Variants in ICA1L observed in about 807,000 individuals in gnomAD.
The protein encoded by ICA1L is islet cell autoantigen 1-like protein.
ICA1L carries 50 observed loss-of-function variants against 61.3 expected under a neutral mutation model. That is an observed-to-expected ratio of 0.82 (90% CI 0.65 to 1.03). The LOEUF is 1.03. ICA1L is among the 50% of genes least tolerant of loss of function. The probability of loss-of-function intolerance (pLI) is 0.00; values close to 1 mark genes in which losing one functional copy is unlikely to be tolerated. For synonymous variants in ICA1L, 161 were observed against 191.3 expected (o/e 0.84, Z 1.31); for missense variants, 508 against 556.7 (o/e 0.91, Z 0.88).
intron 1 of ICA1L, chr2:202,841,213 C>T (rs1694319875): frequency 2.9e-6 from 2 of 701,666 alleles, no homozygotes; most frequent in African/African-American, 3.5e-5. Flanking sequence ...AATTCATTCT[C>T]CATCTCTGTA....
At chr2:202,820,851 AG>A (rs1217711843) in intron 4 of ICA1L, among the ~76,000 whole-genome samples, 1 of 152,198 alleles carries the variant, frequency 6.6e-6, no homozygotes, top group African/African-American at 2.4e-5. Flanking sequence ...TAAATGCAAA[AG>A]ATTTGGGCTA....
intron 1 of ICA1L, chr2:202,844,359 C>T (rs1322857364): frequency 1.3e-5 from 2 of 151,570 alleles, no homozygotes; most frequent in Admixed American, 1.3e-4. Context: ...CAGAGGGACA[C>T]AGTGAGACCC....
rs779036932 is a variant in ICA1L at position 202,775,951 on chromosome 2, A to G, written c.*3582T>C. 2.6e-5 allele frequency: 4 copies of G among 152,226 alleles called. No homozygotes were observed. Among genetic ancestry groups the G allele is most frequent in the Non-Finnish European group, 4.4e-5 (3 of 68,050 alleles). The allele number at this position is 152,226 out of a possible 1,614,324, so 9.4% of individuals were successfully genotyped here. ...TAGGAAAACAATAATTGTACTAAAA[A>G]CTTCAGGAAACAAACTCTTGTTTTA... On this transcript the variant is annotated 3_prime_UTR_variant, in exon 13 of 13. Coordinates refer to ENST00000358299, the MANE Select transcript of ICA1L (RefSeq NM_001288622.3).
At chr2:202,835,689 G>GGCTAATT in intron 1 of ICA1L, among the ~76,000 whole-genome samples, 1 of 151,558 alleles carries the variant, frequency 6.6e-6, no homozygotes, top group South Asian at 2.1e-4. Flanking sequence ...TAGGACTACA[G>GGCTAATT]TTTGTGCCAC....
intron 12 of ICA1L, among the ~76,000 whole-genome samples, chr2:202,783,756 A>G (rs1165671854): frequency 6.6e-6 from 1 of 152,226 alleles, no homozygotes; most frequent in African/African-American, 2.4e-5. Context: ...TGGCAATGTT[A>G]ATTTCCTGAT....
At chr2:202,854,730 TAAGA>T (rs1309100370) in intron 1 of ICA1L, among the ~76,000 whole-genome samples, 1 of 152,140 alleles carries the variant, frequency 6.6e-6, no homozygotes, top group Non-Finnish European at 1.5e-5. Flanking sequence ...AACTCAGGAT[TAAGA>T]AACTCACCTG....
intron 1 of ICA1L, among the ~76,000 whole-genome samples, chr2:202,859,073 A>G (rs534274211): frequency 3.3e-5 from 5 of 152,320 alleles, no homozygotes; most frequent in African/African-American, 1.2e-4. Context: ...TAAGTATATT[A>G]GATTATAGGC....
chr2:202,811,768 T>G lies in ICA1L; in HGVS notation c.888A>C (p.Glu296Asp), dbSNP rs1362821066. ...TACCTTGTTCACTCTCAAAGCTTGC[T>G]TCCTCATCAGACAAAACTAGCCTGA... ...QLNKLVLSDE[E>D]ASFESEQANK... Residue 296 changes from glutamate (E) to aspartate (D), a missense_variant, in exon 9 of 13, where the codon GAA (glutamate) becomes GAC (aspartate). Coordinates refer to ENST00000358299, the MANE Select transcript of ICA1L (RefSeq NM_001288622.3). 6.2e-7 allele frequency: 1 copy of G among 1,608,290 alleles called. No individual in the cohort carries two copies. The highest frequency in any genetic ancestry group is 1.3e-5 in the African/African-American group (1 of 74,648).
At chr2:202,784,829 G>A (rs149404439) in intron 12 of ICA1L, among the ~76,000 whole-genome samples, 2 of 152,210 alleles carry the variant, frequency 1.3e-5, no homozygotes, top group East Asian at 1.9e-4. Flanking sequence ...GTTGTTGAAC[G>A]GGCATAAAGT....
chr2:202,821,431 C>T lies in ICA1L; in HGVS notation c.286G>A (p.Glu96Lys), dbSNP rs149137266. The T allele has an allele frequency of 1.5e-4, 237 of 1,613,288 alleles. No homozygotes were observed. The highest frequency in any genetic ancestry group is 2.7e-4 in the African/African-American group (20 of 74,974). The change falls in exon 4 of 13, where the codon GAA (glutamate) becomes AAA (lysine). Residue 96 changes from glutamate (E) to lysine (K), a missense_variant. Physicochemically the swap from Glu to Lys is moderately conservative, Grantham distance 56. Coordinates refer to ENST00000358299, the MANE Select transcript of ICA1L (RefSeq NM_001288622.3). The stretch of plus-strand genomic sequence containing the variant: ...TTGCCAGCTTGAGTTGCATCCCGTT[C>T]TGCTTGAAATTTTAAAAAGAGCCCT... Reference protein sequence around the residue: ...ELGLFLKFQAERDATQAGKMM... With the variant: ...ELGLFLKFQAKRDATQAGKMM...
At chr2:202,814,166 G>A (rs2105845605) in intron 8 of ICA1L, among the ~76,000 whole-genome samples, 1 of 152,308 alleles carries the variant, frequency 6.6e-6, no homozygotes, top group East Asian at 1.9e-4. Flanking sequence ...CAAAACTCTT[G>A]TTGAAATTTG....
intron 12 of ICA1L, among the ~76,000 whole-genome samples, chr2:202,780,876 G>A (rs1209061910): frequency 1.3e-5 from 2 of 152,100 alleles, no homozygotes; most frequent in African/African-American, 4.8e-5. Context: ...TAACCTCAGG[G>A]TCTCTTGTCT....
chr2:202,854,894 T>C (rs1033510910), intron 1 of ICA1L, among the ~76,000 whole-genome samples: 2 of 151,980 alleles, frequency 1.3e-5, no homozygotes, highest in African/African-American at 4.8e-5. Flanking sequence ...GGCGTGGTGG[T>C]GGGCGCCTGT....
intron 1 of ICA1L, among the ~76,000 whole-genome samples, chr2:202,851,473 C>T (rs941507389): frequency 1.3e-4 from 20 of 152,092 alleles, no homozygotes; most frequent in African/African-American, 4.3e-4. Context: ...AATAAACATA[C>T]GTGTGCATGT....
chr2:202,850,283 T>C (rs1341918881), intron 1 of ICA1L, among the ~76,000 whole-genome samples: 1 of 152,106 alleles, frequency 6.6e-6, no homozygotes, highest in Non-Finnish European at 1.5e-5. Flanking sequence ...GGACGGAGAA[T>C]GAGTTTGATG....
intron 2 of ICA1L, among the ~76,000 whole-genome samples, chr2:202,826,130 C>T (rs1693835942): frequency 6.6e-6 from 1 of 152,080 alleles, no homozygotes; most frequent in Non-Finnish European, 1.5e-5. Flanking sequence ...GTGCAGATAA[C>T]CTTACAAAGT....
At chr2:202,789,169 T>C (rs983140959) in intron 10 of ICA1L, 82 bp from the exon 11 acceptor site, 1 of 1,113,738 alleles carries the variant, frequency 9.0e-7, no homozygotes, top group Non-Finnish European at 1.3e-6. Flanking sequence ...CAAATTTGTT[T>C]CATTGTTTTC....
At chr2:202,847,046 G>A (rs946099384) in intron 1 of ICA1L, among the ~76,000 whole-genome samples, 1 of 152,164 alleles carries the variant, frequency 6.6e-6, no homozygotes, top group African/African-American at 2.4e-5. Context: ...TTAACAGCAG[G>A]AGGCAAGGAA....
At chr2:202,837,561 G>A (rs565764707) in intron 1 of ICA1L, among the ~76,000 whole-genome samples, 1 of 152,006 alleles carries the variant, frequency 6.6e-6, no homozygotes, top group Admixed American at 6.5e-5. Context: ...GTGAGCCACC[G>A]CACCCGGCCT....
Sources: allele counts gnomAD v4.1 joint callset (sites outside exome capture counted in the v4.1 genomes callset), GRCh38; gene constraint gnomAD v4.1.1; transcripts MANE v1.5; gene names NCBI Gene and HGNC (gene_info 2026-07-23, HGNC 2026-07-21).